INSYN1: variants seen among roughly 807,000 people sequenced by gnomAD.
INSYN1 encodes the protein UPF0583 protein C15orf59.
In INSYN1, 7 loss-of-function variants were observed where a neutral mutation model predicts 17.1. The ratio of observed to expected loss-of-function variants is 0.41; its 90% CI spans 0.23 to 0.77. The LOEUF is 0.77. Ranked by LOEUF, INSYN1 falls within the 30% of genes least tolerant of loss-of-function variation. INSYN1 has a pLI of 0.32. For missense variants in INSYN1, 339 were observed against 400.6 expected, an observed-to-expected ratio of 0.85 and a Z score of 1.31; for synonymous variants, 174 against 166.3, an observed-to-expected ratio of 1.05 and a Z score of -0.36.
Position 73,740,311 on chromosome 15 carries a change from T to G in INSYN1, c.488A>C (p.Glu163Ala). The change falls in exon 3 of 3, where the codon GAG (glutamate) becomes GCG (alanine). Residue 163 changes from glutamate (E) to alanine (A), a missense_variant. By Grantham distance (107) the Glu-to-Ala change is moderately radical. Transcript: ENST00000569673. ...RVETPDSSSE[E>A]AFGAGPTVKS... Reference sequence around the variant, plus strand: ...CACCGTGGGGCCAGCACCAAAGGCCTCCTCACTGGAGGAGTCTGGGGTCTC... The same window carrying G: ...CACCGTGGGGCCAGCACCAAAGGCCGCCTCACTGGAGGAGTCTGGGGTCTC... The G allele has an allele frequency of 6.2e-7, 1 of 1,612,606 alleles. No homozygotes were observed. The highest frequency in any genetic ancestry group is 8.5e-7 in the Non-Finnish European group (1 of 1,179,360).
Position 73,751,301 on chromosome 15 carries a change from T to G in INSYN1, c.-171A>C. 1 of 671,460 alleles carries G rather than the reference T, an allele frequency of 1.5e-6. No individual in the cohort carries two copies. The highest frequency in any genetic ancestry group is 2.5e-6 in the Non-Finnish European group (1 of 398,142). The allele number at this position is 671,460 out of a possible 1,614,324, so 41.6% of individuals were successfully genotyped here. ...AGCCCCTGCCCCCTGCCACCCAGCC[T>G]CCTCTGCCTCTGGGTGGAGAGTGGG... is the stretch of plus-strand genomic sequence containing the variant. On this transcript the variant is annotated 5_prime_UTR_variant, in exon 2 of 3. Coordinates refer to ENST00000569673, the MANE Select transcript of INSYN1 (RefSeq NM_001039614.3).
At chr15:73,749,789 T>C (rs1254151711) in intron 2 of INSYN1, among the ~76,000 whole-genome samples, 1 of 152,234 alleles carries the variant, frequency 6.6e-6, no homozygotes, top group Non-Finnish European at 1.5e-5. Context: ...TGGGATTTCC[T>C]GGTAGGCTCC....
Position 73,750,917 on chromosome 15 carries a change from G to T in INSYN1, c.156+58C>A, listed in dbSNP as rs1216751153. 3.9e-5 allele frequency: 63 copies of T among 1,596,398 alleles called. 1 individual carries two copies. In the East Asian group the frequency reaches 1.4e-3, roughly 35 times the overall value. On this transcript the variant is annotated intron_variant, in intron 2 of 2. Coordinates refer to ENST00000569673, the MANE Select transcript of INSYN1 (RefSeq NM_001039614.3). ...AACGTATTTATGAGTACGTTTTTGT[G>T]CCAAACCCAAGAAGGTTGGCTTAGG...
rs1347884079 is a variant in INSYN1 at position 73,740,112 on chromosome 15, G to A, written c.687C>T (p.Gly229=). Residue 229 remains glycine, a synonymous_variant, in exon 3 of 3, where the codon GGC becomes GGT. Transcript: ENST00000569673. ...PEPAHTEAHA[G]PHKPSPAPYK... ...AGGGGGCTGGGGAGGGCTTGTGGGG[G>A]CCTGCATGGGCCTCTGTATGGGCAG... The A allele has an allele frequency of 6.2e-7, 1 of 1,613,732 alleles. No homozygotes were observed. Among genetic ancestry groups the A allele is most frequent in the Non-Finnish European group, 8.5e-7 (1 of 1,179,862 alleles).
rs548920943 is a variant in INSYN1 at position 73,738,793 on chromosome 15, A to C, written c.*1124T>G. The stretch of plus-strand genomic sequence containing the variant: ...GGTGATTAAATGAGATGCTGCTATA[A>C]AAAGTATTCGGCATAGAAGTAGCAT... On this transcript the variant is annotated 3_prime_UTR_variant, in exon 3 of 3. Transcript: ENST00000569673. 13 of 152,354 alleles carry C rather than the reference A, an allele frequency of 8.5e-5. No homozygotes were observed. The highest frequency in any genetic ancestry group is 7.7e-4 in the East Asian group (4 of 5,194). The allele number at this position is 152,354 out of a possible 1,614,324, so 9.4% of individuals were successfully genotyped here. A position where few individuals can be genotyped will look rare whatever the true frequency, so the allele number is the denominator to read the frequency against.
intron 2 of INSYN1, among the ~76,000 whole-genome samples, chr15:73,747,165 C>G (rs1901857613): frequency 6.6e-6 from 1 of 152,208 alleles, no homozygotes; most frequent in Non-Finnish European, 1.5e-5. Flanking sequence ...CGGCTGCACC[C>G]TCAGCCGGGA....
chr15:73,750,825 A>G (rs1901957202), intron 2 of INSYN1, 150 bp downstream of exon 2: 1 of 884,802 alleles, frequency 1.1e-6, no homozygotes, highest in Admixed American at 2.1e-5. Context: ...AGATTTGCGG[A>G]AAGGAGAGCA....
At chr15:73,749,310 T>G (rs1466765614) in intron 2 of INSYN1, among the ~76,000 whole-genome samples, 1 of 152,178 alleles carries the variant, frequency 6.6e-6, no homozygotes, top group African/African-American at 2.4e-5. Flanking sequence ...TATTGCTCTC[T>G]GGGCCTCAGT....
intron 2 of INSYN1, among the ~76,000 whole-genome samples, chr15:73,743,851 A>G (rs1248330681): frequency 2.8e-5 from 4 of 144,690 alleles, no homozygotes; most frequent in Non-Finnish European, 6.1e-5. Context: ...AAAAAAAAAA[A>G]AAAAAAAGAA....
chr15:73,751,404 C>T lies in INSYN1; in HGVS notation c.-274G>A. ...AGAGGAGGGGGAGGGACCTTGGGTCCCAGGAGTGGCCTCCAGGTCTTGAAG... is the reference window on the plus strand; with the variant it reads ...AGAGGAGGGGGAGGGACCTTGGGTCTCAGGAGTGGCCTCCAGGTCTTGAAG... On this transcript the variant is annotated 5_prime_UTR_variant, in exon 2 of 3. Coordinates refer to ENST00000569673, the MANE Select transcript of INSYN1 (RefSeq NM_001039614.3). 1 of 471,812 alleles carries T rather than the reference C, an allele frequency of 2.1e-6. No individual in the cohort carries two copies. Among genetic ancestry groups the T allele is most frequent in the Non-Finnish European group, 3.9e-6 (1 of 256,916 alleles). The allele number at this position is 471,812 out of a possible 1,614,324, so 29.2% of individuals were successfully genotyped here.
rs1271789173 is a variant in INSYN1, at chr15:73,739,367, G to A, written c.*550C>T. On this transcript the variant is annotated 3_prime_UTR_variant, in exon 3 of 3. Transcript: ENST00000569673. ...CCAGGCAACCCTAAGATGGAAGGGG[G>A]TGAGGCAGGACTGTGTATAGCCGAG... 2 of 152,340 alleles carry A rather than the reference G, an allele frequency of 1.3e-5. No individual in the cohort carries two copies. The highest frequency in any genetic ancestry group is 4.8e-5 in the African/African-American group (2 of 41,466). The allele number at this position is 152,340 out of a possible 1,614,324, so 9.4% of individuals were successfully genotyped here.
chr15:73,743,828 C>CAAAAAAAGAAAAAAAAAAAAAAA (rs1901751997), intron 2 of INSYN1, among the ~76,000 whole-genome samples: 1 of 21,294 alleles, frequency 4.7e-5, no homozygotes, highest in Admixed American at 9.5e-4. Context: ...GACTCTGTCT[C>CAAAAAAAGAAAAAAAAAAAAAAA]AAAAAAAAAA....
intron 2 of INSYN1, among the ~76,000 whole-genome samples, chr15:73,747,873 G>A (rs950355128): frequency 1.3e-5 from 2 of 152,182 alleles, no homozygotes; most frequent in Admixed American, 6.5e-5. Context: ...TCCCTCTGCA[G>A]CACAATTTTA....
intron 2 of INSYN1, among the ~76,000 whole-genome samples, chr15:73,748,012 G>A (rs1901882385): frequency 6.6e-6 from 1 of 152,176 alleles, no homozygotes; most frequent in Admixed American, 6.5e-5. Flanking sequence ...GCGAGGGCGA[G>A]GGAGGTGTGG....
intron 2 of INSYN1, among the ~76,000 whole-genome samples, chr15:73,742,225 G>A (rs1443169049): frequency 1.3e-5 from 2 of 152,196 alleles, no homozygotes; most frequent in Non-Finnish European, 2.9e-5. Flanking sequence ...AGAGCTGGAG[G>A]AATCAGGACA....
rs910920213 is a variant in INSYN1 at position 73,738,687 on chromosome 15, A to G, written c.*1230T>C. The G allele has an allele frequency of 6.6e-6, 1 of 152,208 alleles. No individual in the cohort carries two copies. The highest frequency in any genetic ancestry group is 2.1e-4 in the South Asian group (1 of 4,824). 9.4% of individuals were successfully genotyped at this position (152,208 alleles called of 1,614,324 possible). A position where few individuals can be genotyped will look rare whatever the true frequency, so the allele number is the denominator to read the frequency against. On this transcript the variant is annotated 3_prime_UTR_variant, in exon 3 of 3. Transcript: ENST00000569673. ...GACAGAGCGAGACTCCATCTCAAAAATAAAAAAAATAAAAATAAAAAAAGA... is the reference window on the plus strand; with the variant it reads ...GACAGAGCGAGACTCCATCTCAAAAGTAAAAAAAATAAAAATAAAAAAAGA...
rs567630714 is a variant in INSYN1 at position 73,737,252 on chromosome 15, T to C, written c.*2665A>G. 2.6e-5 allele frequency: 4 copies of C among 152,338 alleles called. No individual in the cohort carries two copies. In the South Asian group the frequency reaches 8.3e-4, roughly 32 times the overall value. The allele number at this position is 152,338 out of a possible 1,614,324, so 9.4% of individuals were successfully genotyped here. On this transcript the variant is annotated 3_prime_UTR_variant, in exon 3 of 3. Coordinates refer to ENST00000569673, the MANE Select transcript of INSYN1 (RefSeq NM_001039614.3). ...TTCTTTTCCCTGACTGTTGAAAAGA[T>C]GAGAAACTGTGAGCCTGAAAGTGCT...
At position 73,739,468 on chromosome 15, in the gene INSYN1, C is replaced by T. The variant is rs1219227514; in HGVS notation, c.*449G>A. 2.0e-5 allele frequency: 3 copies of T among 152,266 alleles called. No homozygotes were observed. Among genetic ancestry groups the T allele is most frequent in the Non-Finnish European group, 4.4e-5 (3 of 68,136 alleles). The allele number at this position is 152,266 out of a possible 1,614,324, so 9.4% of individuals were successfully genotyped here. ...GGCCAGACTGATGCCACCCCCAGGCCCTGAGTCCTGCAGTCTCCAGACCAC... is the reference window on the plus strand; with the variant it reads ...GGCCAGACTGATGCCACCCCCAGGCTCTGAGTCCTGCAGTCTCCAGACCAC... On this transcript the variant is annotated 3_prime_UTR_variant, in exon 3 of 3. Transcript: ENST00000569673.
chr15:73,751,183 C>A lies in INSYN1; in HGVS notation c.-53G>T. 1 of 1,593,774 alleles carries A rather than the reference C, an allele frequency of 6.3e-7. No individual in the cohort carries two copies. The highest frequency in any genetic ancestry group is 1.3e-5 in the African/African-American group (1 of 74,702). ...CATACTCCCCCCAGCTGGGCACACA[C>A]TGCGTCTGCCTCCACGGAGCCCCCC... On this transcript the variant is annotated 5_prime_UTR_variant, in exon 2 of 3. Coordinates refer to ENST00000569673, the MANE Select transcript of INSYN1 (RefSeq NM_001039614.3).
Sources: allele counts gnomAD v4.1 joint callset (sites outside exome capture counted in the v4.1 genomes callset), GRCh38; gene constraint gnomAD v4.1.1; transcripts MANE v1.5; gene names NCBI Gene and HGNC (gene_info 2026-07-23, HGNC 2026-07-21).